CAMKMT: variants seen among roughly 807,000 people sequenced by gnomAD.
The protein encoded by CAMKMT is CaM KMT.
Under a neutral mutation model 48.0 loss-of-function variants are expected in CAMKMT, and 53 were observed. The observed-to-expected ratio is 1.10, with a 90% confidence interval of 0.89 to 1.39. CAMKMT has a LOEUF of 1.39. CAMKMT is among the 40% of genes most tolerant of loss of function. The pLI, the probability that CAMKMT is intolerant of heterozygous loss-of-function variation, is 0.00. For missense variants in CAMKMT, 428 were observed against 402.7 expected (o/e 1.06, Z -0.54); for synonymous variants, 165 against 152.3 (o/e 1.08, Z -0.61).
chr2:44,725,286 T>G (rs1372152867), intron 7 of CAMKMT, among the ~76,000 whole-genome samples: 1 of 152,058 alleles, frequency 6.6e-6, no homozygotes, highest in Non-Finnish European at 1.5e-5. Flanking sequence ...CCTAAAATAT[T>G]TTACTAAGTT....
chr2:44,478,860 C>T (rs1411797953), intron 3 of CAMKMT, among the ~76,000 whole-genome samples: 1 of 152,136 alleles, frequency 6.6e-6, no homozygotes, highest in South Asian at 2.1e-4. Flanking sequence ...GCCACCACGC[C>T]GGCTAATTTT....
intron 3 of CAMKMT, among the ~76,000 whole-genome samples, chr2:44,674,894 A>AC (rs1286616519): frequency 3.3e-5 from 5 of 151,928 alleles, no homozygotes; most frequent in African/African-American, 9.7e-5. Context: ...GGAAAAAAAA[A>AC]ACACACAAAC....
At chr2:44,468,911 C>A (rs1280137479) in intron 3 of CAMKMT, among the ~76,000 whole-genome samples, 1 of 151,926 alleles carries the variant, frequency 6.6e-6, no homozygotes. Flanking sequence ...GAGTGTGAGA[C>A]CCTGTCTCAA....
intron 1 of CAMKMT, among the ~76,000 whole-genome samples, chr2:44,367,581 C>G (rs1438399014): frequency 6.6e-6 from 1 of 152,158 alleles, no homozygotes; most frequent in Non-Finnish European, 1.5e-5. Flanking sequence ...TGAACAAATT[C>G]AAAATCCAAA....
chr2:44,418,999 ATATTT>A (rs1347501768), intron 3 of CAMKMT, among the ~76,000 whole-genome samples: 1 of 152,182 alleles, frequency 6.6e-6, no homozygotes, highest in African/African-American at 2.4e-5. Flanking sequence ...TTTAAAAATA[ATATTT>A]TAAATAATCT....
chr2:44,495,641 A>T (rs1669719061), intron 3 of CAMKMT, among the ~76,000 whole-genome samples: 1 of 152,144 alleles, frequency 6.6e-6, no homozygotes, highest in Non-Finnish European at 1.5e-5. Context: ...TAGGCCAAGG[A>T]TGTCAATTGG....
rs781269991 is a variant in CAMKMT, at chr2:44,390,249, G to A, written c.320G>A (p.Ser107Asn). Residue 107 changes from serine (S) to asparagine (N), a missense_variant, in exon 3 of 11, where the codon AGT (serine) becomes AAT (asparagine). Transcript: ENST00000378494. ...PEYSISLRHN[S>N]GSLNVEDVLT... ...GCTTTACTCCTTTCTAGGCATAATA[G>A]TGGATCCTTGAATGTTGAAGATGTC... 1 of 1,608,632 alleles carries A rather than the reference G, an allele frequency of 6.2e-7. No homozygotes were observed. Among genetic ancestry groups the A allele is most frequent in the Admixed American group, 1.7e-5 (1 of 59,008 alleles).
chr2:44,464,957 G>A (rs1206789450), intron 3 of CAMKMT, among the ~76,000 whole-genome samples: 1 of 152,100 alleles, frequency 6.6e-6, no homozygotes, highest in Admixed American at 6.6e-5. Context: ...GTTATGAAGT[G>A]CATAAATCAC....
intron 8 of CAMKMT, among the ~76,000 whole-genome samples, chr2:44,746,596 C>T (rs1454232939): frequency 6.6e-6 from 1 of 152,110 alleles, no homozygotes; most frequent in Admixed American, 6.5e-5. Flanking sequence ...TTTCATGGTT[C>T]AGCAGTTCCT....
chr2:44,571,609 C>T lies in CAMKMT; in HGVS notation c.377-132674C>T, dbSNP rs535570282. Among the ~76,000 whole-genome samples the T allele has an allele frequency of 1.1e-4, 17 of 152,122 alleles. No individual in the cohort carries two copies. The East Asian group carries it at 2.3e-3, about 21-fold the overall frequency. On this transcript the variant is annotated intron_variant, in intron 3 of 10. Coordinates refer to ENST00000378494, the MANE Select transcript of CAMKMT (RefSeq NM_024766.5). ...ATGTAGTGGGTTTCAGTTGTTTGCA[C>T]GTTATTCATGACCAATATTATGTAC...
chr2:44,372,125 A>G (rs7593930), intron 1 of CAMKMT, among the ~76,000 whole-genome samples: 24,563 of 152,164 alleles, frequency 0.16, 3,791 homozygotes, highest in African/African-American at 0.4. Flanking sequence ...GAATTGACAC[A>G]TATCCCCAGG....
intron 3 of CAMKMT, among the ~76,000 whole-genome samples, chr2:44,486,270 G>A (rs886946909): frequency 6.6e-6 from 1 of 152,262 alleles, no homozygotes; most frequent in South Asian, 2.1e-4. Context: ...TCTGACCTGG[G>A]TGTGTTCACT....
intron 3 of CAMKMT, among the ~76,000 whole-genome samples, chr2:44,629,225 G>C (rs578122195): frequency 6.6e-6 from 1 of 151,972 alleles, no homozygotes; most frequent in Non-Finnish European, 1.5e-5. Flanking sequence ...ATTTATGATT[G>C]TTATGTTGTC....
chr2:44,505,610 T>A (rs1670218717), intron 3 of CAMKMT, among the ~76,000 whole-genome samples: 1 of 152,200 alleles, frequency 6.6e-6, no homozygotes, highest in Non-Finnish European at 1.5e-5. Flanking sequence ...TGATGTCCAG[T>A]TGCTCTATTC....
intron 3 of CAMKMT, among the ~76,000 whole-genome samples, chr2:44,408,694 C>T (rs2104468172): frequency 6.6e-6 from 1 of 152,006 alleles, no homozygotes; most frequent in East Asian, 1.9e-4. Flanking sequence ...GTAAGGAAAG[C>T]TAGTATTCAG....
chr2:44,532,174 G>A (rs567773270), intron 3 of CAMKMT, among the ~76,000 whole-genome samples: 1 of 152,304 alleles, frequency 6.6e-6, no homozygotes, highest in South Asian at 2.1e-4. Context: ...TTACAATGTA[G>A]AGAGAGGCTG....
chr2:44,661,974 C>T (rs1674700946), intron 3 of CAMKMT, among the ~76,000 whole-genome samples: 1 of 152,198 alleles, frequency 6.6e-6, no homozygotes, highest in South Asian at 2.1e-4. Flanking sequence ...TATGCCTTCA[C>T]CTAAAAAATA....
At chr2:44,438,186 C>T (rs2104555215) in intron 3 of CAMKMT, among the ~76,000 whole-genome samples, 1 of 152,308 alleles carries the variant, frequency 6.6e-6, no homozygotes, top group African/African-American at 2.4e-5. Context: ...TGAACTCAGG[C>T]AGGCTAGCTC....
chr2:44,386,226 C>G (rs1193104229), intron 2 of CAMKMT, among the ~76,000 whole-genome samples: 1 of 151,956 alleles, frequency 6.6e-6, no homozygotes. Flanking sequence ...CTCAGGGTAT[C>G]TAATTTTTCC....
Sources: gnomAD v4.1 joint callset for allele counts (sites outside exome capture counted in the v4.1 genomes callset) on GRCh38, gnomAD v4.1.1 for gene constraint, MANE v1.5 for transcripts, NCBI Gene and HGNC (gene_info 2026-07-23, HGNC 2026-07-21) for gene names.